The following C6orf52 variants were observed in gnomAD, a reference collection of about 807,000 sequenced individuals.
The protein encoded by C6orf52 is putative uncharacterized protein C6orf52.
Under a neutral mutation model 16.6 loss-of-function variants are expected in C6orf52, and 16 were observed. That is an observed-to-expected ratio of 0.96 (90% CI 0.65 to 1.46). The LOEUF (loss-of-function observed/expected upper bound fraction) is 1.46. C6orf52 is among the 40% of genes most tolerant of loss of function. C6orf52 has a pLI of 0.00. For missense variants in C6orf52, 166 were observed against 182.3 expected (o/e 0.91, Z 0.52); for synonymous variants, 53 against 61.4 (o/e 0.86, Z 0.64).
In C6orf52 at chr6:10,672,775, G is replaced by A. The variant is rs577994195; in HGVS notation, c.317-1177C>T. ...TCTGCAAGCCAAGAAGAGAGCCCTC[G>A]CCAGAAACCAAATTATCCAGACCCT... On this transcript the variant is annotated intron_variant, in intron 4 of 4. Coordinates refer to ENST00000259983, the MANE Select transcript of C6orf52 (RefSeq NM_001145020.3). 81 of 529,284 alleles carry A rather than the reference G, an allele frequency of 1.5e-4. No homozygotes were observed. In the South Asian group the frequency reaches 2.0e-3, roughly 13 times the overall value. 32.8% of individuals were successfully genotyped at this position (529,284 alleles called of 1,614,324 possible).
At chr6:10,691,211 C>T (rs1347393975) in intron 1 of C6orf52, among the ~76,000 whole-genome samples, 2 of 152,174 alleles carry the variant, frequency 1.3e-5, no homozygotes, top group East Asian at 3.8e-4. Flanking sequence ...TAAATTGTAG[C>T]AGGACAAGCC....
chr6:10,689,126 C>T (rs1446811532), intron 1 of C6orf52, among the ~76,000 whole-genome samples: 5 of 152,022 alleles, frequency 3.3e-5, no homozygotes, highest in Non-Finnish European at 7.4e-5. Context: ...TACAGGTGCC[C>T]ACCACCACGC....
intron 4 of C6orf52, among the ~76,000 whole-genome samples, chr6:10,678,183 T>TA (rs377733205): frequency 0.067 from 6,750 of 101,368 alleles, 576 homozygotes; most frequent in African/African-American, 0.19. Context: ...GAGACTGTCT[T>TA]AAAAAAAAAA....
chr6:10,675,301 GGTTT>G (rs769278911), intron 4 of C6orf52, among the ~76,000 whole-genome samples: 4 of 152,214 alleles, frequency 2.6e-5, no homozygotes, highest in Admixed American at 1.3e-4. Flanking sequence ...TTCCGTGCCT[GGTTT>G]ATTTCACTTG....
At position 10,687,123 on chromosome 6, in the gene C6orf52, C is replaced by T; in HGVS notation, c.113G>A (p.Ser38Asn). Reference sequence around the variant, plus strand: ...CCAGTTGCCATAGCGGTAACTCTGGCTGGGCTGGAACTCCTGCTTCACTCT... The same window carrying T: ...CCAGTTGCCATAGCGGTAACTCTGGTTGGGCTGGAACTCCTGCTTCACTCT... ...AIRVKQEFQPSQSYRYGNWYA... is the reference protein window; with the variant it reads ...AIRVKQEFQPNQSYRYGNWYA... The change falls in exon 3 of 5, where the codon AGC becomes AAC. Residue 38 changes from serine (S) to asparagine (N), a missense_variant. Physicochemically the swap from Ser to Asn is conservative, Grantham distance 46. Transcript: ENST00000259983. 2.6e-6 allele frequency: 4 copies of T among 1,551,824 alleles called. No individual in the cohort carries two copies. Among genetic ancestry groups the T allele is most frequent in the Non-Finnish European group, 3.5e-6 (4 of 1,146,936 alleles).
At chr6:10,684,991 C>T (rs988820541) in intron 3 of C6orf52, 31 of 898,112 alleles carry the variant, frequency 3.5e-5, no homozygotes, top group Non-Finnish European at 4.2e-5. Flanking sequence ...AGTAATAATT[C>T]GGCCTGAGGG....
intron 4 of C6orf52, among the ~76,000 whole-genome samples, chr6:10,678,384 T>G (rs548373682): frequency 1.2e-3 from 186 of 152,308 alleles, no homozygotes; most frequent in Non-Finnish European, 1.7e-3. Flanking sequence ...CTCTTAAGTT[T>G]TTGTTACAGC....
Position 10,687,282 on chromosome 6 carries a change from T to A in C6orf52, c.72-118A>T, listed in dbSNP as rs896186116. ...ACCTATGTTCAAAGCCATAGTTTGA[T>A]ACCTAATGTAGATGACGGGTTGATG... On this transcript the variant is annotated intron_variant, in intron 2 of 4. Transcript: ENST00000259983. 12 of 817,618 alleles carry A rather than the reference T, an allele frequency of 1.5e-5. No individual in the cohort carries two copies. The East Asian group carries it at 3.2e-4, about 22-fold the overall frequency. 50.6% of individuals were successfully genotyped at this position (817,618 alleles called of 1,614,324 possible).
chr6:10,673,622 T>C (rs1367716198), intron 4 of C6orf52, among the ~76,000 whole-genome samples: 1 of 152,218 alleles, frequency 6.6e-6, no homozygotes, highest in African/African-American at 2.4e-5. Flanking sequence ...TGAATGGTGA[T>C]GGTTACACAA....
Position 10,686,968 on chromosome 6 carries a change from T to C in C6orf52, c.268A>G (p.Lys90Glu), listed in dbSNP as rs1401925085. 1 of 1,543,262 alleles carries C rather than the reference T, an allele frequency of 6.5e-7. No individual in the cohort carries two copies. Among genetic ancestry groups the C allele is most frequent in the Non-Finnish European group, 8.7e-7 (1 of 1,142,866 alleles). ...EHTAGTLVMP[K>E]ETTPLAENQD... ...AGATTCATTCTAGCAAGGGATACCTTAGGCATAACCAGAGTTCCAGCTGTG... is the reference window on the plus strand; with the variant it reads ...AGATTCATTCTAGCAAGGGATACCTCAGGCATAACCAGAGTTCCAGCTGTG... The change falls in exon 3 of 5, where the codon AAG (lysine) becomes GAG (glutamate). Residue 90 changes from lysine to glutamate, a missense_variant and splice_region_variant. Coordinates refer to ENST00000259983, the MANE Select transcript of C6orf52 (RefSeq NM_001145020.3).
intron 4 of C6orf52, among the ~76,000 whole-genome samples, chr6:10,679,834 A>G (rs1768221229): frequency 1.3e-5 from 2 of 152,224 alleles, no homozygotes; most frequent in Admixed American, 6.5e-5. Context: ...CGTTCAGTGC[A>G]ATATTAGCTG....
intron 1 of C6orf52, among the ~76,000 whole-genome samples, chr6:10,691,408 T>C (rs1769290733): frequency 1.3e-5 from 2 of 151,928 alleles, no homozygotes; most frequent in African/African-American, 4.8e-5. Context: ...CGGGGGTACA[T>C]GACTGGGGGG....
chr6:10,677,602 G>T (rs983589931), intron 4 of C6orf52, among the ~76,000 whole-genome samples: 2 of 151,456 alleles, frequency 1.3e-5, no homozygotes, highest in Non-Finnish European at 2.9e-5. Context: ...CGCCACCTTG[G>T]CTCACTCTAA....
intron 4 of C6orf52, chr6:10,672,684 G>C (rs1767538715): frequency 1.5e-6 from 1 of 656,252 alleles, no homozygotes; most frequent in African/African-American, 1.8e-5. Context: ...CAGAGAACTT[G>C]CTCACATTCT....
chr6:10,691,271 G>A (rs1037812280), intron 1 of C6orf52, among the ~76,000 whole-genome samples: 3 of 152,100 alleles, frequency 2.0e-5, no homozygotes, highest in Admixed American at 6.6e-5. Context: ...GGCTTTATTC[G>A]GCCGGGATCT....
chr6:10,684,527 G>A (rs1187708004), intron 3 of C6orf52, among the ~76,000 whole-genome samples: 2 of 152,202 alleles, frequency 1.3e-5, no homozygotes, highest in Admixed American at 1.3e-4. Context: ...CACCTGTGCT[G>A]TGTATGCAGC....
chr6:10,687,417 A>G (rs1768949382), intron 2 of C6orf52, 63 bp downstream of exon 2: 7 of 1,231,632 alleles, frequency 5.7e-6, no homozygotes, highest in African/African-American at 1.6e-5. Context: ...TAAGTTACCA[A>G]CAGTTATGTA....
At chr6:10,675,628 T>G (rs1301331470) in intron 4 of C6orf52, among the ~76,000 whole-genome samples, 3 of 152,178 alleles carry the variant, frequency 2.0e-5, no homozygotes, top group Non-Finnish European at 4.4e-5. Flanking sequence ...GCTGTACCAA[T>G]TTACATTCCC....
chr6:10,693,024 T>A (rs1211077712), intron 1 of C6orf52, among the ~76,000 whole-genome samples: 4 of 152,242 alleles, frequency 2.6e-5, no homozygotes, highest in Admixed American at 6.5e-5. Context: ...AAACAATAGT[T>A]TCTTTTAAAG....
Sources: gnomAD v4.1 joint callset for allele counts (sites outside exome capture counted in the v4.1 genomes callset) on GRCh38, gnomAD v4.1.1 for gene constraint, MANE v1.5 for transcripts, NCBI Gene and HGNC (gene_info 2026-07-23, HGNC 2026-07-21) for gene names.